Variants in ANKRD30B observed in about 807,000 individuals in gnomAD.
ANKRD30B encodes the protein ankyrin repeat domain-containing protein 30B.
In ANKRD30B, 144 loss-of-function variants were observed where a neutral mutation model predicts 202.2. That is an observed-to-expected ratio of 0.71 (90% CI 0.62 to 0.82). The LOEUF is 0.82. Among genes scored for constraint, ANKRD30B ranks in the 40% least tolerant of loss-of-function variants. ANKRD30B has a pLI of 0.00. For missense variants in ANKRD30B, 1,487 were observed against 1,669.1 expected, an observed-to-expected ratio of 0.89 and a Z score of 1.90; for synonymous variants, 508 against 561.3, an observed-to-expected ratio of 0.91 and a Z score of 1.34.
chr18:14,770,944 G>A (rs1211194693), intron 8 of ANKRD30B, among the ~76,000 whole-genome samples: 1 of 152,158 alleles, frequency 6.6e-6, no homozygotes, highest in Non-Finnish European at 1.5e-5. Context: ...AAAGGTTGCT[G>A]AGTCACATAG....
chr18:14,884,949 G>A, the ANKRD30B span, among the ~76,000 whole-genome samples: 1 of 152,074 alleles, frequency 6.6e-6, no homozygotes, highest in East Asian at 1.9e-4. Flanking sequence ...ATAAAGAGTA[G>A]CTGACAACAA....
chr18:14,786,316 C>T (rs562972086), intron 14 of ANKRD30B, among the ~76,000 whole-genome samples: 3 of 152,200 alleles, frequency 2.0e-5, no homozygotes, highest in East Asian at 3.9e-4. Flanking sequence ...CATGTGGGAA[C>T]GTTAGATTAC....
At chr18:14,853,315 G>C (rs1367287168) in intron 42 of ANKRD30B, among the ~76,000 whole-genome samples, 1 of 152,144 alleles carries the variant, frequency 6.6e-6, no homozygotes, top group African/African-American at 2.4e-5. Flanking sequence ...AGTGAGTAGA[G>C]GAGAGAAACA....
chr18:14,915,225 G>A, the ANKRD30B span, among the ~76,000 whole-genome samples: 2 of 152,154 alleles, frequency 1.3e-5, no homozygotes, highest in Admixed American at 1.3e-4. Context: ...CAGACAGGGG[G>A]CCTGATGTGA....
At chr18:14,853,027 G>C (rs1971952534) in intron 42 of ANKRD30B, among the ~76,000 whole-genome samples, 1 of 151,810 alleles carries the variant, frequency 6.6e-6, no homozygotes, top group Non-Finnish European at 1.5e-5. Flanking sequence ...TTTTTTAAAG[G>C]CATCTGTGTT....
Position 14,766,434 on chromosome 18 carries a change from C to G in ANKRD30B, c.1225+2344C>G, listed in dbSNP as rs1451094450. On this transcript the variant is annotated intron_variant, in intron 7 of 43. Coordinates refer to ENST00000690538, the MANE Select transcript of ANKRD30B (RefSeq NM_001367607.2). Reference sequence around the variant, plus strand: ...GTTGCAGTGAGCCGAGATCTCACCACTGCACTCCAGCCTGGGTGACAGAGC... The same window carrying G: ...GTTGCAGTGAGCCGAGATCTCACCAGTGCACTCCAGCCTGGGTGACAGAGC... 4.8e-5 allele frequency among the ~76,000 whole-genome samples: 6 copies of G among 125,414 alleles called. No individual in the cohort carries two copies. The South Asian group carries it at 8.5e-4, about 18-fold the overall frequency. The allele number at this position is 125,414 out of a possible 152,430, so 82.3% of individuals were successfully genotyped here.
intron 16 of ANKRD30B, among the ~76,000 whole-genome samples, chr18:14,794,096 A>G (rs1046299150): frequency 2.0e-5 from 3 of 152,152 alleles, no homozygotes; most frequent in African/African-American, 7.2e-5. Context: ...TTCAATAGCC[A>G]TTACAAATGT....
rs1485302952 is a variant in ANKRD30B at position 14,851,593 on chromosome 18, G to A, written c.3649G>A (p.Val1217Ile). ...GGAAATTGCCATGCTAAAACTGGAA[G>A]TAGCCACACTGAAACATCAACACCA... is the stretch of plus-strand genomic sequence containing the variant. ...KKEIAMLKLE[V>I]ATLKHQHQVK... Residue 1217 changes from valine (V) to isoleucine (I), a missense_variant, in exon 42 of 44, where the codon GTA becomes ATA. Coordinates refer to ENST00000690538, the MANE Select transcript of ANKRD30B (RefSeq NM_001367607.2). The A allele has an allele frequency of 6.2e-7, 1 of 1,608,528 alleles. No homozygotes were observed. The highest frequency in any genetic ancestry group is 1.7e-5 in the Admixed American group (1 of 58,660).
At chr18:14,883,303 G>A in the ANKRD30B span, among the ~76,000 whole-genome samples, 1 of 149,562 alleles carries the variant, frequency 6.7e-6, no homozygotes, top group Non-Finnish European at 1.5e-5. Flanking sequence ...TAATTGGCCT[G>A]ATTTGGGGCC....
chr18:14,924,069 TC>T, the ANKRD30B span, among the ~76,000 whole-genome samples: 1 of 152,238 alleles, frequency 6.6e-6, no homozygotes, highest in Non-Finnish European at 1.5e-5. Context: ...GCATGATCCA[TC>T]ACCAAGTGTC....
At chr18:14,765,115 C>T (rs149579793) in intron 7 of ANKRD30B, among the ~76,000 whole-genome samples, 2 of 152,066 alleles carry the variant, frequency 1.3e-5, no homozygotes, top group Admixed American at 6.6e-5. Context: ...GCATTCTGGT[C>T]GTGGTATAAG....
chr18:14,842,535 G>T (rs1029617882), intron 37 of ANKRD30B, among the ~76,000 whole-genome samples: 2 of 152,090 alleles, frequency 1.3e-5, no homozygotes, highest in African/African-American at 4.8e-5. Flanking sequence ...TATGGCGTAG[G>T]ATTCTATATT....
chr18:14,883,369 GTCTC>G, the ANKRD30B span, among the ~76,000 whole-genome samples: 4,350 of 84,502 alleles, frequency 0.051, 94 homozygotes, highest in Middle Eastern at 0.082. Context: ...CTGTCTGTCT[GTCTC>G]TCTCTCTCTC....
chr18:14,847,360 T>A (rs1208085961), intron 39 of ANKRD30B, among the ~76,000 whole-genome samples: 1 of 151,206 alleles, frequency 6.6e-6, no homozygotes, highest in Admixed American at 6.6e-5. Context: ...ATCTGTGGGA[T>A]TGTAGCATTT....
At chr18:14,808,862 A>G (rs1376862436) in intron 26 of ANKRD30B, 118 bp downstream of exon 26, 2 of 940,394 alleles carry the variant, frequency 2.1e-6, no homozygotes, top group Admixed American at 5.7e-5. Flanking sequence ...AAAATTTGAT[A>G]CAAATAATGC....
At chr18:14,913,852 A>G in the ANKRD30B span, among the ~76,000 whole-genome samples, 7 of 152,198 alleles carry the variant, frequency 4.6e-5, no homozygotes, top group Admixed American at 3.3e-4. Context: ...AAAAATTAAC[A>G]TCTATACAGT....
chr18:14,907,456 G>T, the ANKRD30B span, among the ~76,000 whole-genome samples: 1 of 152,140 alleles, frequency 6.6e-6, no homozygotes, highest in Non-Finnish European at 1.5e-5. Flanking sequence ...CAGGCCCTGG[G>T]CAGTGATGTC....
chr18:14,791,341 G>C (rs545620677), intron 15 of ANKRD30B, 60 bp from the exon 16 acceptor site: 4 of 1,395,166 alleles, frequency 2.9e-6, no homozygotes, highest in African/African-American at 2.9e-5. Flanking sequence ...AGAAAATTTT[G>C]ATACTCTTCA....
intron 26 of ANKRD30B, 141 bp from the exon 27 acceptor site, chr18:14,809,845 A>G: frequency 1.2e-6 from 1 of 822,580 alleles, no homozygotes; most frequent in Non-Finnish European, 2.0e-6. Flanking sequence ...CAAATACAAT[A>G]ACCCAAAAGA....
Sources: gnomAD v4.1 joint callset for allele counts (sites outside exome capture counted in the v4.1 genomes callset) on GRCh38, gnomAD v4.1.1 for gene constraint, MANE v1.5 for transcripts, NCBI Gene and HGNC (gene_info 2026-07-23, HGNC 2026-07-21) for gene names.